The following HDAC9 variants were observed in gnomAD, a reference collection of about 807,000 sequenced individuals.
The protein encoded by HDAC9 is MEF-2 interacting transcription repressor (MITR) protein.
In HDAC9, 41 loss-of-function variants were observed where a neutral mutation model predicts 139.4. The ratio of observed to expected loss-of-function variants is 0.29; its 90% CI spans 0.23 to 0.38. The LOEUF is 0.38. Among genes scored for constraint, HDAC9 ranks in the 10% least tolerant of loss-of-function variants. HDAC9 has a pLI of 1.00. For synonymous variants in HDAC9, 517 were observed against 476.2 expected, an observed-to-expected ratio of 1.09 and a Z score of -1.12; for missense variants, 1,147 against 1,297.0, an observed-to-expected ratio of 0.88 and a Z score of 1.78.
At position 18,590,565 on chromosome 7, in the gene HDAC9, G is replaced by C. The variant is rs1830665627; in HGVS notation, c.415+79G>C. 9 of 1,411,132 alleles carry C rather than the reference G, an allele frequency of 6.4e-6. No individual in the cohort carries two copies. In the South Asian group the frequency reaches 9.7e-5, roughly 15 times the overall value. The allele number at this position is 1,411,132 out of a possible 1,614,324, so 87.4% of individuals were successfully genotyped here. On this transcript the variant is annotated intron_variant, in intron 4 of 25. Coordinates refer to ENST00000686413, the MANE Select transcript of HDAC9 (RefSeq NM_178425.4). ...ATTATTCAGAACAAAGCCTGATAAA[G>C]AGTGCGGTTAGACTCGTCAAAATTA... is the stretch of plus-strand genomic sequence containing the variant.
At chr7:18,419,817 G>A (rs1275906847) in intron 1 of HDAC9, among the ~76,000 whole-genome samples, 1 of 151,998 alleles carries the variant, frequency 6.6e-6, no homozygotes, top group African/African-American at 2.4e-5. Flanking sequence ...TGTGAAAATA[G>A]CTGCAAGGAT....
At chr7:18,422,744 GCACA>G (rs1233787931) in intron 1 of HDAC9, among the ~76,000 whole-genome samples, 553 of 26,324 alleles carry the variant, frequency 0.021, 6 homozygotes, top group Middle Eastern at 0.16. Flanking sequence ...ACACACACGC[GCACA>G]CACACACACA....
At chr7:18,763,718 T>C (rs1789588628) in intron 15 of HDAC9, among the ~76,000 whole-genome samples, 1 of 152,174 alleles carries the variant, frequency 6.6e-6, no homozygotes, top group South Asian at 2.1e-4. Flanking sequence ...TTAATTGTCA[T>C]GATTTTATGA....
chr7:18,910,932 G>T (rs1409712547), intron 22 of HDAC9, among the ~76,000 whole-genome samples: 1 of 151,626 alleles, frequency 6.6e-6, no homozygotes, highest in African/African-American at 2.4e-5. Context: ...GTCCTTATTT[G>T]GTTTTATTAT....
chr7:18,603,022 G>T (rs1834411472), intron 6 of HDAC9, among the ~76,000 whole-genome samples: 1 of 152,032 alleles, frequency 6.6e-6, no homozygotes, highest in Non-Finnish European at 1.5e-5. Context: ...TCTTCTTGGA[G>T]AACTGTGACT....
chr7:18,286,070 A>G (rs1797431315), upstream of HDAC9, among the ~76,000 whole-genome samples: 1 of 151,832 alleles, frequency 6.6e-6, no homozygotes, highest in Admixed American at 6.6e-5. Flanking sequence ...GAAAGATACA[A>G]TTGAAAGGAA....
intron 1 of HDAC9, among the ~76,000 whole-genome samples, chr7:18,488,026 C>G (rs112800808): frequency 0.013 from 2,030 of 152,098 alleles, 44 homozygotes; most frequent in African/African-American, 0.045. Flanking sequence ...ACATAAGAAG[C>G]AGACTTATTT....
At chr7:18,445,806 A>G (rs59941332) in intron 1 of HDAC9, among the ~76,000 whole-genome samples, 5,325 of 152,328 alleles carry the variant, frequency 0.035, 115 homozygotes, top group African/African-American at 0.066. Flanking sequence ...GTTGACAGCA[A>G]TATTTGAAAA....
chr7:18,915,856 T>G (rs960820810), intron 22 of HDAC9, among the ~76,000 whole-genome samples: 1 of 151,656 alleles, frequency 6.6e-6, no homozygotes, highest in African/African-American at 2.4e-5. Context: ...TTGTGTTCCT[T>G]TGGATATTTT....
At position 18,757,140 on chromosome 7, in the gene HDAC9, A is replaced by G. The variant is rs1788953623; in HGVS notation, c.2044-5017A>G. On this transcript the variant is annotated intron_variant, in intron 14 of 25. Coordinates refer to ENST00000686413, the MANE Select transcript of HDAC9 (RefSeq NM_178425.4). ...TGAATTGACTCATTAAATATTAAGT[A>G]TGGTATTTGTGGCAGAGTGTAACTT... Among the ~76,000 whole-genome samples, 3 of 152,126 alleles carry G rather than the reference A, an allele frequency of 2.0e-5. 1 individual carries two copies. The South Asian group carries it at 6.2e-4, about 31-fold the overall frequency.
chr7:18,216,101 C>T (rs983658191), intron 2 of HDAC9, among the ~76,000 whole-genome samples: 18 of 127,456 alleles, frequency 1.4e-4, no homozygotes, highest in Non-Finnish European at 2.1e-4. Flanking sequence ...TGTGTGCCTG[C>T]GTGTCTGTGT....
At chr7:18,625,946 CAAAAAAAAAAA>C (rs11312304) in intron 6 of HDAC9, among the ~76,000 whole-genome samples, 6 of 60,976 alleles carry the variant, frequency 9.8e-5, no homozygotes, top group African/African-American at 4.2e-4. Flanking sequence ...GACTCCATCT[CAAAAAAAAAAA>C]AAAAAAAAAA....
intron 24 of HDAC9, among the ~76,000 whole-genome samples, chr7:18,957,689 C>T (rs996118427): frequency 2.2e-4 from 34 of 152,136 alleles, no homozygotes; most frequent in African/African-American, 8.2e-4. Context: ...TGGGGCGCTT[C>T]GCAACTGCAC....
chr7:18,733,065 G>A lies in HDAC9; in HGVS notation c.1909+5308G>A, dbSNP rs190583782. Reference sequence around the variant, plus strand: ...TATACATATATACATGTGTATATACGTATATACACATGTATACACATATAT... The same window carrying A: ...TATACATATATACATGTGTATATACATATATACACATGTATACACATATAT... On this transcript the variant is annotated intron_variant, in intron 13 of 25. Transcript: ENST00000686413. 4.0e-4 allele frequency among the ~76,000 whole-genome samples: 57 copies of A among 143,016 alleles called. 1 individual carries two copies. Among genetic ancestry groups the A allele is most frequent in the South Asian group, 1.8e-3 (8 of 4,554 alleles). The allele number at this position is 143,016 out of a possible 152,430, so 93.8% of individuals were successfully genotyped here.
chr7:18,375,162 G>T (rs1449672714), intron 1 of HDAC9, among the ~76,000 whole-genome samples: 1 of 152,150 alleles, frequency 6.6e-6, no homozygotes, highest in Admixed American at 6.5e-5. Context: ...ACATAAAATT[G>T]TTTGGGATAA....
intron 22 of HDAC9, among the ~76,000 whole-genome samples, chr7:18,907,933 A>G (rs904874587): frequency 2.0e-5 from 3 of 152,154 alleles, no homozygotes; most frequent in Admixed American, 2.0e-4. Context: ...TACACATACT[A>G]TGTATATATC....
At chr7:18,628,957 GTTA>G (rs1027620188) in intron 6 of HDAC9, among the ~76,000 whole-genome samples, 4 of 152,038 alleles carry the variant, frequency 2.6e-5, no homozygotes, top group African/African-American at 9.7e-5. Flanking sequence ...TCTTTTAGTG[GTTA>G]TTAAGTTTCA....
At chr7:18,835,876 C>T (rs1172843647) in intron 20 of HDAC9, 24 bp from the exon 21 acceptor site, 17 of 1,459,150 alleles carry the variant, frequency 1.2e-5, no homozygotes, top group African/African-American at 1.4e-5. Context: ...CTCTGCCCAC[C>T]GTGGTGTGTC....
chr7:18,407,794 C>G (rs115734839), intron 1 of HDAC9, among the ~76,000 whole-genome samples: 2,283 of 152,260 alleles, frequency 0.015, 60 homozygotes, highest in African/African-American at 0.052. Flanking sequence ...CTGCTATTCC[C>G]CGCAGTTAAA....
Sources: gnomAD v4.1 joint callset for allele counts (sites outside exome capture counted in the v4.1 genomes callset) on GRCh38, gnomAD v4.1.1 for gene constraint, MANE v1.5 for transcripts, NCBI Gene and HGNC (gene_info 2026-07-23, HGNC 2026-07-21) for gene names.